The following LDB2 variants were observed in gnomAD, a reference collection of about 807,000 sequenced individuals.
LDB2 encodes LIM domain binding 2, also known as LIM domain-binding protein 2.
LDB2 carries 12 observed loss-of-function variants against 44.3 expected under a neutral mutation model. The ratio of observed to expected loss-of-function variants is 0.27; its 90% CI spans 0.17 to 0.44. The LOEUF (loss-of-function observed/expected upper bound fraction) is 0.44, where lower values mean the gene tolerates loss of function less well. LDB2 is among the 20% of genes least tolerant of loss of function. LDB2 has a pLI of 1.00. For missense variants in LDB2, 344 were observed against 473.5 expected (o/e 0.73, Z 2.54); for synonymous variants, 164 against 174.8 (o/e 0.94, Z 0.49).
chr4:16,737,143 A>G (rs976992279), intron 2 of LDB2, among the ~76,000 whole-genome samples: 2 of 152,220 alleles, frequency 1.3e-5, no homozygotes, highest in African/African-American at 4.8e-5. Flanking sequence ...ATTGATACCA[A>G]TTTTAAGAAT....
chr4:16,610,740 T>C (rs1346465551), intron 2 of LDB2, among the ~76,000 whole-genome samples: 2 of 151,840 alleles, frequency 1.3e-5, no homozygotes, highest in African/African-American at 4.8e-5. Flanking sequence ...TACGATTGAC[T>C]GGAGTACCAG....
At chr4:16,762,762 G>A (rs1418422651) in intron 1 of LDB2, among the ~76,000 whole-genome samples, 1 of 152,150 alleles carries the variant, frequency 6.6e-6, no homozygotes, top group Non-Finnish European at 1.5e-5. Flanking sequence ...CTTGGTCTCT[G>A]ACACTTCTGC....
chr4:16,854,758 G>T (rs1471704024), intron 1 of LDB2, among the ~76,000 whole-genome samples: 1 of 151,010 alleles, frequency 6.6e-6, no homozygotes, highest in Admixed American at 6.6e-5. Flanking sequence ...TTCATGTAGA[G>T]GAGGAGAATT....
chr4:16,712,738 C>A (rs79511550), intron 2 of LDB2, among the ~76,000 whole-genome samples: 2 of 152,076 alleles, frequency 1.3e-5, no homozygotes, highest in African/African-American at 4.8e-5. Context: ...GAAAGTGGAA[C>A]CCTCATACAT....
At chr4:16,760,409 C>T (rs1434801214) in intron 1 of LDB2, among the ~76,000 whole-genome samples, 1 of 152,172 alleles carries the variant, frequency 6.6e-6, no homozygotes, top group African/African-American at 2.4e-5. Context: ...TTGATGCCGT[C>T]CTCTCCTTCA....
chr4:16,629,583 T>C (rs1031587846), intron 2 of LDB2, among the ~76,000 whole-genome samples: 2 of 151,756 alleles, frequency 1.3e-5, no homozygotes, highest in Admixed American at 6.6e-5. Flanking sequence ...AGGAATAGCA[T>C]CAACATCAAC....
At chr4:16,647,519 G>A (rs1011775213) in intron 2 of LDB2, among the ~76,000 whole-genome samples, 3 of 152,214 alleles carry the variant, frequency 2.0e-5, no homozygotes, top group African/African-American at 7.2e-5. Context: ...ATCATAATAT[G>A]CAGCCCCTAG....
chr4:16,537,010 G>A (rs542982002), intron 5 of LDB2, among the ~76,000 whole-genome samples: 7 of 152,078 alleles, frequency 4.6e-5, no homozygotes, highest in Non-Finnish European at 8.8e-5. Context: ...CTCATATTTC[G>A]GTATTGCCTT....
Position 16,512,034 on chromosome 4 carries a change from T to G in LDB2, c.686A>C (p.Asp229Ala). The change falls in exon 6 of 8, where the codon GAC (aspartate) becomes GCC (alanine). Residue 229 changes from aspartate to alanine, a missense_variant. This residue lies in a region of LDB2 where 86 missense variants were observed against 171.2 expected (regional missense o/e 0.50). Transcript: ENST00000304523. ...CTGAAACAAGCAGGTCTTCAGGCAG[T>G]CTCGGGGACTGAGGTTGTAAGTTTT... ...RHKTYNLSPR[D>A]CLKTCLFQKW... is the part of the protein sequence containing the mutation. 6.2e-7 allele frequency: 1 copy of G among 1,613,814 alleles called. No homozygotes were observed. Among genetic ancestry groups the G allele is most frequent in the Admixed American group, 1.7e-5 (1 of 59,982 alleles).
At chr4:16,503,116 G>A (rs1412001237) in intron 7 of LDB2, 8 of 1,536,464 alleles carry the variant, frequency 5.2e-6, no homozygotes, top group Non-Finnish European at 6.1e-6. Flanking sequence ...ACTGGAGAAC[G>A]AGCAATGCTA....
At chr4:16,747,024 A>C (rs1196905411) in intron 2 of LDB2, among the ~76,000 whole-genome samples, 1 of 152,200 alleles carries the variant, frequency 6.6e-6, no homozygotes, top group African/African-American at 2.4e-5. Flanking sequence ...CAAACATCTA[A>C]TGAGAAATAG....
chr4:16,637,828 T>C (rs1191728415), intron 2 of LDB2, among the ~76,000 whole-genome samples: 1 of 152,088 alleles, frequency 6.6e-6, no homozygotes, highest in East Asian at 1.9e-4. Context: ...AGCAGATGCA[T>C]GGCAGATGCT....
chr4:16,535,529 T>C (rs1731526097), intron 5 of LDB2, among the ~76,000 whole-genome samples: 1 of 152,116 alleles, frequency 6.6e-6, no homozygotes, highest in Non-Finnish European at 1.5e-5. Flanking sequence ...GCCTGGGTGA[T>C]TTTCACTCTT....
At chr4:16,646,153 C>G (rs938497008) in intron 2 of LDB2, among the ~76,000 whole-genome samples, 6 of 152,202 alleles carry the variant, frequency 3.9e-5, no homozygotes, top group African/African-American at 1.4e-4. Context: ...TTCCTTCACC[C>G]TTTCATTAAA....
At chr4:16,738,040 G>A (rs1762257263) in intron 2 of LDB2, among the ~76,000 whole-genome samples, 2 of 152,178 alleles carry the variant, frequency 1.3e-5, no homozygotes, top group Non-Finnish European at 1.5e-5. Flanking sequence ...AGTCATTTAT[G>A]TGAGTTTGCT....
intron 2 of LDB2, among the ~76,000 whole-genome samples, chr4:16,614,263 T>G (rs865799772): frequency 1.1e-4 from 16 of 152,208 alleles, no homozygotes; most frequent in Admixed American, 3.9e-4. Context: ...TATACAAAAA[T>G]TAACTCAAGA....
intron 1 of LDB2, among the ~76,000 whole-genome samples, chr4:16,870,230 C>T (rs915738102): frequency 2.6e-5 from 4 of 152,266 alleles, no homozygotes; most frequent in African/African-American, 9.6e-5. Flanking sequence ...CAGGAGCCTG[C>T]CACATGGACG....
intron 2 of LDB2, among the ~76,000 whole-genome samples, chr4:16,720,842 T>C (rs985779485): frequency 6.6e-6 from 1 of 152,152 alleles, no homozygotes; most frequent in Non-Finnish European, 1.5e-5. Context: ...TCTTATTTCA[T>C]GGATAGAAGC....
rs541886116 is a variant in LDB2, at chr4:16,717,190, G to A, written c.235+41968C>T. Among the ~76,000 whole-genome samples the A allele has an allele frequency of 2.5e-3, 359 of 142,496 alleles. 1 individual carries two copies. Among genetic ancestry groups the A allele is most frequent in the African/African-American group, 8.1e-3 (306 of 37,904 alleles). The allele number at this position is 142,496 out of a possible 152,430, so 93.5% of individuals were successfully genotyped here. On this transcript the variant is annotated intron_variant, in intron 2 of 7. Coordinates refer to ENST00000304523, the MANE Select transcript of LDB2 (RefSeq NM_001290.5). ...TAATAATAATAATAATAATAATAATGATGATGAGGAGGACTACATTTATTT... is the reference window on the plus strand; with the variant it reads ...TAATAATAATAATAATAATAATAATAATGATGAGGAGGACTACATTTATTT...
Sources: allele counts gnomAD v4.1 joint callset (sites outside exome capture counted in the v4.1 genomes callset), GRCh38; gene constraint gnomAD v4.1.1; regional missense constraint gnomAD v4.1.1; transcripts MANE v1.5; gene names NCBI Gene and HGNC (gene_info 2026-07-23, HGNC 2026-07-21).